Variants in HDAC9 observed in about 807,000 individuals in gnomAD.
The protein encoded by HDAC9 is histone deacetylase 9.
HDAC9 carries 41 observed loss-of-function variants against 139.4 expected under a neutral mutation model. That is an observed-to-expected ratio of 0.29 (90% CI 0.23 to 0.38). HDAC9 has a LOEUF of 0.38. Among genes scored for constraint, HDAC9 ranks in the 10% least tolerant of loss-of-function variants. HDAC9 has a pLI of 1.00. For synonymous variants in HDAC9, 517 were observed against 476.2 expected (o/e 1.09, Z -1.12); for missense variants, 1,147 against 1,297.0 (o/e 0.88, Z 1.78).
chr7:18,558,659 A>G (rs760852944), intron 2 of HDAC9, among the ~76,000 whole-genome samples: 6 of 152,210 alleles, frequency 3.9e-5, no homozygotes, highest in Non-Finnish European at 8.8e-5. Context: ...TCTTCTACCC[A>G]TTCAAACTAG....
intron 24 of HDAC9, among the ~76,000 whole-genome samples, chr7:18,967,023 T>C (rs1224365723): frequency 1.3e-5 from 2 of 152,230 alleles, no homozygotes. Flanking sequence ...ATAATGAATA[T>C]GTAACTTGAA....
intron 1 of HDAC9, among the ~76,000 whole-genome samples, chr7:18,340,563 TA>T (rs1781927521): frequency 6.6e-6 from 1 of 151,582 alleles, no homozygotes. Flanking sequence ...TCAGGATTTA[TA>T]GTATACATCT....
chr7:18,874,415 C>A, intron 21 of HDAC9, 63 bp from the exon 22 acceptor site: 1 of 1,023,518 alleles, frequency 9.8e-7, no homozygotes, highest in Non-Finnish European at 1.5e-6. Context: ...GTCGTTTTCA[C>A]TGAACGATTT....
intron 2 of HDAC9, among the ~76,000 whole-genome samples, chr7:18,227,675 C>G (rs1793153683): frequency 6.6e-6 from 1 of 152,094 alleles, no homozygotes. Context: ...AGCTGAAGGC[C>G]CTTCAGTATC....
intron 22 of HDAC9, among the ~76,000 whole-genome samples, chr7:18,927,041 C>T (rs1359919229): frequency 6.6e-6 from 1 of 152,070 alleles, no homozygotes; most frequent in African/African-American, 2.4e-5. Flanking sequence ...TAAGTAAAAT[C>T]TTAACATGAA....
intron 12 of HDAC9, among the ~76,000 whole-genome samples, chr7:18,678,797 A>G (rs1188669629): frequency 6.6e-6 from 1 of 151,858 alleles, no homozygotes; most frequent in Non-Finnish European, 1.5e-5. Context: ...TGTTCTGTTT[A>G]ATGTCTAGTA....
At chr7:18,591,709 TG>T in intron 5 of HDAC9, 67 bp downstream of exon 5, 1 of 1,572,106 alleles carries the variant, frequency 6.4e-7, no homozygotes, top group East Asian at 2.2e-5. Flanking sequence ...TTAGCCGACC[TG>T]GGTACACATC....
At chr7:18,975,750 T>G (rs541336515) in intron 24 of HDAC9, 56 bp from the exon 25 acceptor site, 1 of 1,535,970 alleles carries the variant, frequency 6.5e-7, no homozygotes, top group African/African-American at 1.4e-5. Context: ...GTGAGTATTC[T>G]GATTATTACT....
intron 2 of HDAC9, among the ~76,000 whole-genome samples, chr7:18,584,696 G>C (rs547568142): frequency 6.6e-6 from 1 of 152,274 alleles, no homozygotes; most frequent in South Asian, 2.1e-4. Context: ...ACTCCTTGTT[G>C]TTTGGATCTG....
chr7:18,198,554 C>T (rs1790884503), intron 2 of HDAC9, among the ~76,000 whole-genome samples: 1 of 152,146 alleles, frequency 6.6e-6, no homozygotes, highest in South Asian at 2.1e-4. Flanking sequence ...TACAATCTCA[C>T]AATATCCATT....
chr7:18,537,363 G>A (rs981565501), intron 2 of HDAC9, among the ~76,000 whole-genome samples: 1 of 152,130 alleles, frequency 6.6e-6, no homozygotes, highest in African/African-American at 2.4e-5. Flanking sequence ...AGAGAGAGGA[G>A]CCAATAGACT....
intron 2 of HDAC9, among the ~76,000 whole-genome samples, chr7:18,212,911 T>C (rs1255426395): frequency 1.3e-5 from 2 of 152,184 alleles, no homozygotes; most frequent in Admixed American, 1.3e-4. Flanking sequence ...AAAATAGATT[T>C]CTGGGAGTTC....
intron 2 of HDAC9, among the ~76,000 whole-genome samples, chr7:18,191,205 CA>C (rs1291113817): frequency 6.6e-6 from 1 of 152,002 alleles, no homozygotes; most frequent in Non-Finnish European, 1.5e-5. Flanking sequence ...TGTATTCTTA[CA>C]ATAAAGTAAG....
Position 18,996,155 on chromosome 7 carries a change from G to A in HDAC9, c.*93G>A. The A allele has an allele frequency of 1.1e-6, 1 of 892,764 alleles. No homozygotes were observed. Among genetic ancestry groups the A allele is most frequent in the South Asian group, 1.5e-5 (1 of 65,818 alleles). The allele number at this position is 892,764 out of a possible 1,614,324, so 55.3% of individuals were successfully genotyped here. The stretch of plus-strand genomic sequence containing the variant: ...TCAGACATGTCTTGTCTGCTGCCTG[G>A]GTGGCACAGATTCAATGGAACATAA... On this transcript the variant is annotated 3_prime_UTR_variant, in exon 26 of 26. Transcript: ENST00000686413.
At chr7:18,309,145 C>T (rs1249594479) in intron 1 of HDAC9, among the ~76,000 whole-genome samples, 3 of 152,052 alleles carry the variant, frequency 2.0e-5, no homozygotes, top group East Asian at 3.9e-4. Flanking sequence ...TGTTCTATGG[C>T]GTTTGGGAGG....
chr7:18,161,970 T>C (rs1787657691), intron 1 of HDAC9, among the ~76,000 whole-genome samples: 1 of 152,212 alleles, frequency 6.6e-6, no homozygotes, highest in South Asian at 2.1e-4. Context: ...TTATGTGAAT[T>C]GCTTTCTCCC....
chr7:18,730,834 C>G (rs1258116129), intron 13 of HDAC9, among the ~76,000 whole-genome samples: 1 of 152,122 alleles, frequency 6.6e-6, no homozygotes, highest in Non-Finnish European at 1.5e-5. Context: ...AGAACTTAAA[C>G]CTTTCATTCA....
intron 1 of HDAC9, among the ~76,000 whole-genome samples, chr7:18,316,777 A>G (rs959841218): frequency 3.9e-5 from 6 of 151,990 alleles, no homozygotes; most frequent in African/African-American, 1.5e-4. Flanking sequence ...AGATTGTGCC[A>G]TTGTATTCCA....
intron 1 of HDAC9, among the ~76,000 whole-genome samples, chr7:18,451,373 G>A (rs995492579): frequency 6.7e-4 from 79 of 118,634 alleles, no homozygotes; most frequent in African/African-American, 2.6e-3. Context: ...ATGTGCGTGT[G>A]TGTGTGTGTG....
Sources: gnomAD v4.1 joint callset for allele counts (sites outside exome capture counted in the v4.1 genomes callset) on GRCh38, gnomAD v4.1.1 for gene constraint, MANE v1.5 for transcripts, NCBI Gene and HGNC (gene_info 2026-07-23, HGNC 2026-07-21) for gene names.